The following RFX8 variants were observed in gnomAD, a reference collection of about 807,000 sequenced individuals.
The protein encoded by RFX8 is regulatory factor X8.
A neutral mutation model predicts 54.6 loss-of-function variants in RFX8; 46 were observed. The ratio of observed to expected loss-of-function variants is 0.84; its 90% CI spans 0.67 to 1.08. The LOEUF (loss-of-function observed/expected upper bound fraction) is 1.08. Ranked by LOEUF, RFX8 falls within the 50% of genes least tolerant of loss-of-function variation. The pLI is 0.00. For synonymous variants in RFX8, 192 were observed against 209.5 expected (o/e 0.92, Z 0.72); for missense variants, 536 against 562.3 (o/e 0.95, Z 0.47).
At chr2:101,413,894 G>A (rs959308451) in intron 7 of RFX8, among the ~76,000 whole-genome samples, 1 of 152,102 alleles carries the variant, frequency 6.6e-6, no homozygotes, top group Non-Finnish European at 1.5e-5. Flanking sequence ...TGGGAGGATG[G>A]GGCCCAGCTC....
chr2:101,398,568 T>A (rs1685257304), intron 11 of RFX8, among the ~76,000 whole-genome samples: 1 of 152,114 alleles, frequency 6.6e-6, no homozygotes, highest in South Asian at 2.1e-4. Context: ...AAAAAACCTA[T>A]GAAAACAGCA....
chr2:101,474,061 C>A (rs1430908494), intron 1 of RFX8: 1 of 473,882 alleles, frequency 2.1e-6, no homozygotes, highest in Non-Finnish European at 3.7e-6. Context: ...GGCGGGCGAG[C>A]ATCAGAAAGC....
At chr2:101,474,143 G>A in intron 1 of RFX8, 1 of 580,630 alleles carries the variant, frequency 1.7e-6, no homozygotes, top group Non-Finnish European at 3.0e-6. Context: ...CGGGAACCAC[G>A]CTTCCCCTCC....
chr2:101,428,897 A>G, intron 2 of RFX8: 2 of 1,019,788 alleles, frequency 2.0e-6, no homozygotes, highest in Non-Finnish European at 1.5e-6. Flanking sequence ...CGAATTAAGC[A>G]ATCACTGGTA....
chr2:101,403,687 T>C (rs1019178032), intron 10 of RFX8, among the ~76,000 whole-genome samples: 1 of 152,022 alleles, frequency 6.6e-6, no homozygotes, highest in African/African-American at 2.4e-5. Flanking sequence ...CTCGGGAGAC[T>C]GAGGCGGGAG....
At position 101,424,709 on chromosome 2, in the gene RFX8, C is replaced by T. The variant is rs551015637; in HGVS notation, c.73-2237G>A. ...GCCATAAAAAGGATGAGTTAATGTC[C>T]TTTATAGTGACATGGATGAAGCTGG... On this transcript the variant is annotated intron_variant, in intron 2 of 11. Coordinates refer to ENST00000428343, the MANE Select transcript of RFX8 (RefSeq NM_001145664.2). Among the ~76,000 whole-genome samples, 10 of 152,270 alleles carry T rather than the reference C, an allele frequency of 6.6e-5. No individual in the cohort carries two copies. In the East Asian group the frequency reaches 1.4e-3, roughly 21 times the overall value.
At chr2:101,429,101 A>C in intron 2 of RFX8, 1 of 851,204 alleles carries the variant, frequency 1.2e-6, no homozygotes, top group Non-Finnish European at 1.9e-6. Flanking sequence ...TTTTGCAGCA[A>C]GGTTATTTGT....
chr2:101,437,793 CCCCAAGTTTTACTTAAAT>C (rs370326223), intron 2 of RFX8, among the ~76,000 whole-genome samples: 114,778 of 151,744 alleles, frequency 0.76, 44,363 homozygotes, highest in Middle Eastern at 0.88. Flanking sequence ...TACTTAAATT[CCCCAAGTTTTACTTAAAT>C]TCATTTGTGT....
intron 8 of RFX8, among the ~76,000 whole-genome samples, chr2:101,410,916 G>C (rs1182830238): frequency 6.6e-6 from 1 of 152,144 alleles, no homozygotes; most frequent in Non-Finnish European, 1.5e-5. Flanking sequence ...AGAATTACAT[G>C]GACATACCTG....
At chr2:101,461,010 T>C (rs534837652) in intron 2 of RFX8, among the ~76,000 whole-genome samples, 1 of 151,654 alleles carries the variant, frequency 6.6e-6, no homozygotes, top group African/African-American at 2.4e-5. Flanking sequence ...GGCTCACGCC[T>C]GTAATCCCAG....
Position 101,422,342 on chromosome 2 carries a change from C to T in RFX8, c.183+20G>A. 8.2e-7 allele frequency: 1 copy of T among 1,223,448 alleles called. No homozygotes were observed. The highest frequency in any genetic ancestry group is 1.2e-6 in the Non-Finnish European group (1 of 846,566). The allele number at this position is 1,223,448 out of a possible 1,614,324, so 75.8% of individuals were successfully genotyped here. ...ATCATACAGCGTGAAAGGCTAATCTCCCCATGAGTGCAAACCTACCATATT... is the reference window on the plus strand; with the variant it reads ...ATCATACAGCGTGAAAGGCTAATCTTCCCATGAGTGCAAACCTACCATATT... On this transcript the variant is annotated intron_variant, in intron 3 of 11. Transcript: ENST00000428343.
chr2:101,464,683 T>A (rs1689479204), intron 2 of RFX8, among the ~76,000 whole-genome samples: 1 of 152,190 alleles, frequency 6.6e-6, no homozygotes, highest in Non-Finnish European at 1.5e-5. Flanking sequence ...CCTTGGCACC[T>A]TGAGGAATTC....
rs778328288 is a variant in RFX8, at chr2:101,402,575, G to A, written c.1106C>T (p.Ser369Leu). ...CATGCTGGGGCTGGCACACGCCTGC[G>A]ACAGTGAGGAATTCAGAGAATGGAA... ...ALFHSLNSSL[S>L]QACASPSMEP... Residue 369 changes from serine to leucine, a missense_variant, in exon 11 of 12, where the codon TCG (serine) becomes TTG (leucine). Ser to Leu is a moderately radical substitution (Grantham distance 145). Transcript: ENST00000428343. The A allele has an allele frequency of 2.6e-5, 40 of 1,551,906 alleles. No homozygotes were observed. Among genetic ancestry groups the A allele is most frequent in the South Asian group, 1.8e-4 (15 of 84,058 alleles).
intron 2 of RFX8, among the ~76,000 whole-genome samples, chr2:101,432,725 G>A (rs955708408): frequency 3.9e-5 from 6 of 152,312 alleles, no homozygotes; most frequent in South Asian, 2.1e-4. Context: ...AAAATACAGC[G>A]CCAAGGAAAC....
rs866760859 is a variant in RFX8 at position 101,450,058 on chromosome 2, T to C, written c.72+16719A>G. On this transcript the variant is annotated intron_variant, in intron 2 of 11. Coordinates refer to ENST00000428343, the MANE Select transcript of RFX8 (RefSeq NM_001145664.2). ...AATGTCTAAGGAAATGAACCAGAAA[T>C]GGATTTCTCTGGCCAATGACATTGC... Among the ~76,000 whole-genome samples the C allele has an allele frequency of 1.6e-4, 24 of 152,104 alleles. No homozygotes were observed. The South Asian group carries it at 1.7e-3, about 11-fold the overall frequency.
chr2:101,435,489 T>C (rs920787389), intron 2 of RFX8, among the ~76,000 whole-genome samples: 3 of 152,094 alleles, frequency 2.0e-5, no homozygotes, highest in Non-Finnish European at 2.9e-5. Context: ...GCCTAAGAGG[T>C]AGAGAATAAA....
intron 2 of RFX8, among the ~76,000 whole-genome samples, chr2:101,460,987 C>T (rs1003410261): frequency 5.3e-5 from 8 of 151,414 alleles, no homozygotes; most frequent in Admixed American, 4.6e-4. Flanking sequence ...TGACAGGAGA[C>T]GACAGGCACG....
chr2:101,397,426 A>G lies in RFX8; in HGVS notation c.*122T>C, dbSNP rs929581668. On this transcript the variant is annotated 3_prime_UTR_variant, in exon 12 of 12. Coordinates refer to ENST00000428343, the MANE Select transcript of RFX8 (RefSeq NM_001145664.2). The stretch of plus-strand genomic sequence containing the variant: ...CTTGAAATACATATAAACATAAAAT[A>G]GACAATGCTACATCTATTATATACA... 2 of 525,652 alleles carry G rather than the reference A, an allele frequency of 3.8e-6. No individual in the cohort carries two copies. The highest frequency in any genetic ancestry group is 3.9e-5 in the African/African-American group (2 of 50,840). 32.6% of individuals were successfully genotyped at this position (525,652 alleles called of 1,614,324 possible).
At chr2:101,471,582 G>A (rs1402761839) in intron 1 of RFX8, among the ~76,000 whole-genome samples, 1 of 152,180 alleles carries the variant, frequency 6.6e-6, no homozygotes, top group African/African-American at 2.4e-5. Flanking sequence ...GTTTTGCCTG[G>A]TCTGAAACCA....
Sources: gnomAD v4.1 joint callset for allele counts (sites outside exome capture counted in the v4.1 genomes callset) on GRCh38, gnomAD v4.1.1 for gene constraint, MANE v1.5 for transcripts, NCBI Gene and HGNC (gene_info 2026-07-23, HGNC 2026-07-21) for gene names.